The following FRMPD1 variants were observed in gnomAD, a reference collection of about 807,000 sequenced individuals.
FRMPD1 encodes FERM and PDZ domain-containing protein 1.
In FRMPD1, 76 loss-of-function variants were observed where a neutral mutation model predicts 117.8. The observed-to-expected ratio is 0.65, with a 90% CI of 0.54 to 0.78. The LOEUF is 0.78. Among genes scored for constraint, FRMPD1 ranks in the 30% least tolerant of loss-of-function variants. The pLI is 0.00. For synonymous variants in FRMPD1, 783 were observed against 770.4 expected (o/e 1.02, Z -0.27); for missense variants, 1,786 against 1,964.5 (o/e 0.91, Z 1.72).
At chr9:37,699,318 TC>T (rs1822448286) in intron 2 of FRMPD1, among the ~76,000 whole-genome samples, 1 of 133,896 alleles carries the variant, frequency 7.5e-6, no homozygotes, top group Non-Finnish European at 1.8e-5. Context: ...TCTCTGTCTC[TC>T]TCTTTTTTTT....
chr9:37,637,548 A>G, the FRMPD1 span, among the ~76,000 whole-genome samples: 10 of 151,646 alleles, frequency 6.6e-5, no homozygotes, highest in African/African-American at 2.4e-4. Flanking sequence ...TAACCCCTAC[A>G]CTCTGGCAAG....
At chr9:37,692,402 T>G (rs1822169856) in intron 1 of FRMPD1, among the ~76,000 whole-genome samples, 1 of 152,192 alleles carries the variant, frequency 6.6e-6, no homozygotes, top group Non-Finnish European at 1.5e-5. Flanking sequence ...CATCCTTATG[T>G]TTAACTGTTT....
chr9:37,642,073 G>T, the FRMPD1 span, among the ~76,000 whole-genome samples: 1 of 152,192 alleles, frequency 6.6e-6, no homozygotes, highest in Non-Finnish European at 1.5e-5. Context: ...CTATTGGAGT[G>T]AGAAAGACAA....
intron 1 of FRMPD1, among the ~76,000 whole-genome samples, chr9:37,679,268 C>T (rs1821639441): frequency 6.6e-6 from 1 of 152,234 alleles, no homozygotes; most frequent in Non-Finnish European, 1.5e-5. Flanking sequence ...TAAAGAGAGT[C>T]AGAAACTTCT....
chr9:37,732,500 G>C (rs1209035218), intron 10 of FRMPD1, 60 bp downstream of exon 10: 4 of 1,501,718 alleles, frequency 2.7e-6, no homozygotes, highest in Non-Finnish European at 2.7e-6. Flanking sequence ...CTGGCCAGGA[G>C]GGCCAGATGC....
At position 37,719,122 on chromosome 9, in the gene FRMPD1, CA is replaced by C. The variant is rs751222485; in HGVS notation, c.464del (p.Asn155ThrfsTer3). 1.7e-5 allele frequency: 28 copies of C among 1,613,732 alleles called. No individual in the cohort carries two copies. Among genetic ancestry groups the C allele is most frequent in the Non-Finnish European group, 2.3e-5 (27 of 1,179,644 alleles). The part of the protein sequence containing the change: ...TEEKRARLKT[N>X]PVKVHFAEEV... ...AGGAGAAGAGAGCCAGACTGAAGAC[CA>C]ACCCCGTGAAGGTGCACTTTGCTGA... On this transcript the variant is annotated frameshift_variant, in exon 6 of 16. Coordinates refer to ENST00000377765, the MANE Select transcript of FRMPD1 (RefSeq NM_014907.3). LOFTEE classifies it high-confidence loss of function.
chr9:37,685,195 A>G (rs553446157), intron 1 of FRMPD1, among the ~76,000 whole-genome samples: 4 of 152,316 alleles, frequency 2.6e-5, no homozygotes, highest in South Asian at 2.1e-4. Flanking sequence ...TCAAATGATC[A>G]TTCTCTTTTC....
intron 10 of FRMPD1, among the ~76,000 whole-genome samples, chr9:37,733,212 C>G (rs1451405755): frequency 1.3e-5 from 2 of 152,120 alleles, no homozygotes; most frequent in Non-Finnish European, 2.9e-5. Flanking sequence ...AACTCCTGCT[C>G]TGACTGATAG....
chr9:37,610,025 G>A, the FRMPD1 span, among the ~76,000 whole-genome samples: 1 of 152,110 alleles, frequency 6.6e-6, no homozygotes, highest in Non-Finnish European at 1.5e-5. Context: ...AACTACCCCC[G>A]GCCAGCAGTC....
rs370496508 is a variant in FRMPD1, at chr9:37,740,891, C to T, written c.2356+7C>T. On this transcript the variant is annotated splice_region_variant and intron_variant, in intron 15 of 15. Coordinates refer to ENST00000377765, the MANE Select transcript of FRMPD1 (RefSeq NM_014907.3). The surrounding 1 kb of genome is among the most constrained non-coding windows in gnomAD (Gnocchi z 4.2). ...CCCCCAGGCCCCCCGTCAGGTGAGC[C>T]GTCCCTTGCAGGTCTGCAGACACGG... 25 of 1,610,656 alleles carry T rather than the reference C, an allele frequency of 1.6e-5. No individual in the cohort carries two copies. The highest frequency in any genetic ancestry group is 2.0e-5 in the Non-Finnish European group (24 of 1,176,968).
the FRMPD1 span, among the ~76,000 whole-genome samples, chr9:37,634,107 A>G: frequency 1.3e-5 from 2 of 152,180 alleles, no homozygotes; most frequent in Admixed American, 6.5e-5. Flanking sequence ...TAATTTATCA[A>G]TTTTAAACAT....
intron 1 of FRMPD1, among the ~76,000 whole-genome samples, chr9:37,666,045 A>G (rs1272270070): frequency 6.6e-6 from 1 of 152,184 alleles, no homozygotes; most frequent in Admixed American, 6.5e-5. Context: ...CATTTCAGAC[A>G]TTACCTCATC....
chr9:37,653,403 C>A (rs147657149), intron 1 of FRMPD1, among the ~76,000 whole-genome samples: 12 of 152,304 alleles, frequency 7.9e-5, no homozygotes, highest in African/African-American at 2.4e-4. Context: ...TGATTTAGAA[C>A]CTCACCAGCA....
chr9:37,707,791 C>T (rs1822767813), intron 3 of FRMPD1, among the ~76,000 whole-genome samples: 1 of 152,260 alleles, frequency 6.6e-6, no homozygotes, highest in Non-Finnish European at 1.5e-5. Flanking sequence ...CAGGCTCCCA[C>T]TGGCCTTGGC....
chr9:37,685,607 T>G (rs959479920), intron 1 of FRMPD1, among the ~76,000 whole-genome samples: 14 of 152,096 alleles, frequency 9.2e-5, no homozygotes, highest in Non-Finnish European at 1.9e-4. Flanking sequence ...AGCCGAGATC[T>G]TGCCACTGCA....
chr9:37,621,719 G>A, the FRMPD1 span, among the ~76,000 whole-genome samples: 2 of 152,216 alleles, frequency 1.3e-5, no homozygotes, highest in Admixed American at 1.3e-4. Context: ...AATGCTTCAG[G>A]GAGCAGATAT....
chr9:37,740,182 TC>T lies in FRMPD1; in HGVS notation c.1655del (p.Ser552TyrfsTer3), dbSNP rs1228955007. ...RRLVKLAPCR[S>X]LIKEEQPPGN... The stretch of plus-strand genomic sequence containing the variant: ...CCTGGTGAAACTGGCACCCTGCAGA[TC>T]ACTCATAAAGGAGGAGCAGCCTCCT... On this transcript the variant is annotated frameshift_variant, in exon 15 of 16. Transcript: ENST00000377765. LOFTEE classifies it high-confidence loss of function. This position sits in a 1 kb window ranked among gnomAD's most constrained non-coding sequence, Gnocchi z 4.2. 1.2e-6 allele frequency: 2 copies of T among 1,613,758 alleles called. No individual in the cohort carries two copies. Among genetic ancestry groups the T allele is most frequent in the Non-Finnish European group, 1.7e-6 (2 of 1,179,918 alleles).
Position 37,735,658 on chromosome 9 carries a change from C to T in FRMPD1, c.1325C>T (p.Ala442Val), listed in dbSNP as rs1824085473. The T allele has an allele frequency of 6.2e-7, 1 of 1,613,868 alleles. No individual in the cohort carries two copies. Among genetic ancestry groups the T allele is most frequent in the Non-Finnish European group, 8.5e-7 (1 of 1,179,794 alleles). ...ATCATGTCCACATTGGCAGAGTTTG[C>T]AAACATCAGCCGTGTAGAGCTAACG... ...LNIMSTLAEF[A>V]NISRVELTEE... The change falls in exon 13 of 16, where the codon GCA becomes GTA. Residue 442 changes from alanine to valine, a missense_variant. Transcript: ENST00000377765.
chr9:37,708,707 C>A (rs1480285974), intron 4 of FRMPD1, among the ~76,000 whole-genome samples: 4 of 152,144 alleles, frequency 2.6e-5, no homozygotes, highest in Non-Finnish European at 2.9e-5. Context: ...CACTTGCCTA[C>A]AAAAGAGCTT....
Sources: allele counts gnomAD v4.1 joint callset (sites outside exome capture counted in the v4.1 genomes callset), GRCh38; gene constraint gnomAD v4.1.1; non-coding constraint Gnocchi (gnomAD v3.1); transcripts MANE v1.5; gene names NCBI Gene and HGNC (gene_info 2026-07-23, HGNC 2026-07-21).